The following ANGPT4 variants were observed in gnomAD, a reference collection of about 807,000 sequenced individuals.
ANGPT4 encodes the protein angiopoietin-4.
Under a neutral mutation model 53.0 loss-of-function variants are expected in ANGPT4, and 50 were observed. The observed-to-expected ratio is 0.94, with a 90% CI of 0.75 to 1.20. ANGPT4 has a LOEUF of 1.20. ANGPT4 is among the 50% of genes most tolerant of loss of function. ANGPT4 has a pLI of 0.00. For missense variants in ANGPT4, 648 were observed against 637.1 expected (o/e 1.02, Z -0.18); for synonymous variants, 251 against 259.7 (o/e 0.97, Z 0.32).
intron 4 of ANGPT4, among the ~76,000 whole-genome samples, chr20:882,511 C>T (rs1216460348): frequency 6.7e-6 from 1 of 150,362 alleles, no homozygotes; most frequent in African/African-American, 2.4e-5. Flanking sequence ...AAGGCTATTG[C>T]TCTCATGTCA....
chr20:905,942 G>A (rs551735663), intron 1 of ANGPT4, among the ~76,000 whole-genome samples: 1 of 152,316 alleles, frequency 6.6e-6, no homozygotes, highest in South Asian at 2.1e-4. Context: ...GAGAAGATGA[G>A]CATCTTGCCT....
chr20:900,388 G>A (rs1034064564), intron 1 of ANGPT4, among the ~76,000 whole-genome samples: 1 of 152,096 alleles, frequency 6.6e-6, no homozygotes, highest in Non-Finnish European at 1.5e-5. Context: ...CTAGGAGTCT[G>A]GGTACAAGAA....
In ANGPT4 at chr20:914,700, C is replaced by G. The variant is rs1308333174; in HGVS notation, c.309+1206G>C. Among the ~76,000 whole-genome samples, 1 of 152,098 alleles carries G rather than the reference C, an allele frequency of 6.6e-6. No individual in the cohort carries two copies. The highest frequency in any genetic ancestry group is 2.4e-5 in the African/African-American group (1 of 41,400). On this transcript the variant is annotated intron_variant, in intron 1 of 8. Transcript: ENST00000381922. This position sits in a 1 kb window ranked among gnomAD's most constrained non-coding sequence, Gnocchi z 5.0. The stretch of plus-strand genomic sequence containing the variant: ...ATCGCCCAGACTGTCTCCTGGGTCC[C>G]TCTCCCTTTCCTTGGTAGCTCTCAC...
intron 1 of ANGPT4, among the ~76,000 whole-genome samples, chr20:915,224 GC>G (rs143189522): frequency 0.032 from 4,704 of 145,538 alleles, 101 homozygotes; most frequent in African/African-American, 0.065. Context: ...CCTTCCAGTG[GC>G]CCCCCCCCCA....
intron 4 of ANGPT4, among the ~76,000 whole-genome samples, chr20:882,797 CA>C (rs1365445315): frequency 6.6e-6 from 1 of 152,168 alleles, no homozygotes; most frequent in African/African-American, 2.4e-5. Flanking sequence ...ACAACAATAT[CA>C]ATAACAATAA....
Position 916,258 on chromosome 20 carries a change from G to T in ANGPT4, c.-44C>A, listed in dbSNP as rs1468177202. ...CGAGGGATGTCTGCTCAGAGCCCTA[G>T]GGGCTGTGCCTGGGATGTCCTGCTG... is the stretch of plus-strand genomic sequence containing the variant. On this transcript the variant is annotated 5_prime_UTR_variant, in exon 1 of 9. Coordinates refer to ENST00000381922, the MANE Select transcript of ANGPT4 (RefSeq NM_015985.4). 6.4e-7 allele frequency: 1 copy of T among 1,572,582 alleles called. No individual in the cohort carries two copies. The highest frequency in any genetic ancestry group is 8.7e-7 in the Non-Finnish European group (1 of 1,154,816).
At chr20:906,061 T>A (rs1303872767) in intron 1 of ANGPT4, among the ~76,000 whole-genome samples, 1 of 152,204 alleles carries the variant, frequency 6.6e-6, no homozygotes, top group East Asian at 1.9e-4. Flanking sequence ...ACCCCAGGGA[T>A]CCTGGTGCTC....
At chr20:876,089 T>A (rs1981154864) in intron 7 of ANGPT4, among the ~76,000 whole-genome samples, 1 of 145,116 alleles carries the variant, frequency 6.9e-6, no homozygotes, top group Admixed American at 7.1e-5. Context: ...AGGGCTGCAG[T>A]GAGCTGTGAT....
At chr20:880,509 G>T (rs1386821827) in intron 5 of ANGPT4, among the ~76,000 whole-genome samples, 2 of 151,920 alleles carry the variant, frequency 1.3e-5, no homozygotes, top group Admixed American at 6.6e-5. Flanking sequence ...GATCACTCGA[G>T]CCCAGGAGGT....
chr20:876,348 G>A (rs2122758999), intron 7 of ANGPT4, among the ~76,000 whole-genome samples: 1 of 152,196 alleles, frequency 6.6e-6, no homozygotes, highest in African/African-American at 2.4e-5. Context: ...TCTGTCGCCA[G>A]GGAAATGAGA....
rs1014897 is a variant in ANGPT4 at position 914,814 on chromosome 20, C to T, written c.309+1092G>A. On this transcript the variant is annotated intron_variant, in intron 1 of 8. Coordinates refer to ENST00000381922, the MANE Select transcript of ANGPT4 (RefSeq NM_015985.4). This position sits in a 1 kb window ranked among gnomAD's most constrained non-coding sequence, Gnocchi z 5.0. ...CCAGGGCCAAGCCTGCTTTGCACAC[C>T]TCTGTAGTCAGTGCTTCTCCGAGGG... Among the ~76,000 whole-genome samples the T allele has an allele frequency of 0.4, 61,152 of 152,018 alleles. 13,639 individuals carry two copies. The highest frequency in any genetic ancestry group is 0.49 in the Non-Finnish European group (33,562 of 67,942).
chr20:879,890 T>C, intron 5 of ANGPT4, 42 bp from the exon 6 acceptor site: 1 of 1,525,460 alleles, frequency 6.6e-7, no homozygotes, highest in Non-Finnish European at 9.0e-7. Context: ...CCCTTGGAGG[T>C]AGCCAGAGGC....
chr20:906,893 G>A (rs1982496368), intron 1 of ANGPT4, among the ~76,000 whole-genome samples: 1 of 152,256 alleles, frequency 6.6e-6, no homozygotes, highest in Non-Finnish European at 1.5e-5. Flanking sequence ...GGACCAACGG[G>A]CTCTCACGGA....
Position 885,134 on chromosome 20 carries a change from T to G in ANGPT4, c.779A>C (p.Gln260Pro), listed in dbSNP as rs753308902. The change falls in exon 4 of 9, where the codon CAG becomes CCG. Residue 260 changes from glutamine (Q) to proline (P), a missense_variant. By Grantham distance (76) the Gln-to-Pro change is moderately conservative. Coordinates refer to ENST00000381922, the MANE Select transcript of ANGPT4 (RefSeq NM_015985.4). ...CAGGTGCCGCAACAACACCAGCAGC[T>G]GGCGCAGGCTGTGCTGCTGGTCCTG... The part of the protein sequence containing the change: ...LLQDQQHSLR[Q>P]LLVLLRHLVQ... 6.2e-7 allele frequency: 1 copy of G among 1,612,770 alleles called. No individual in the cohort carries two copies. Among genetic ancestry groups the G allele is most frequent in the South Asian group, 1.1e-5 (1 of 90,782 alleles).
At chr20:915,388 C>G (rs1982889059) in intron 1 of ANGPT4, among the ~76,000 whole-genome samples, 1 of 152,162 alleles carries the variant, frequency 6.6e-6, no homozygotes, top group Non-Finnish European at 1.5e-5. Context: ...ACATGCAGCT[C>G]CCTTTGCAGA....
At chr20:880,901 C>A (rs1981378466) in intron 5 of ANGPT4, among the ~76,000 whole-genome samples, 1 of 152,242 alleles carries the variant, frequency 6.6e-6, no homozygotes, top group Non-Finnish European at 1.5e-5. Context: ...TATCAGCTAT[C>A]ATCATCTTAA....
intron 1 of ANGPT4, among the ~76,000 whole-genome samples, chr20:898,594 T>C (rs1982148016): frequency 6.6e-6 from 1 of 152,160 alleles, no homozygotes; most frequent in Admixed American, 6.5e-5. Context: ...GCTCCAAAAA[T>C]GAGATTCCGG....
In ANGPT4 at chr20:890,322, A is replaced by G. The variant is rs767678821; in HGVS notation, c.356T>C (p.Val119Ala). 1.2e-6 allele frequency: 2 copies of G among 1,613,052 alleles called. No homozygotes were observed. The highest frequency in any genetic ancestry group is 2.7e-5 in the African/African-American group (2 of 74,918). ...CTGATTCTGGGCCATTTGCTGCTGG[A>G]CCTGCTCCAGCTTCGACCTCAAGAT... ...KTILRSKLEQVQQQMAQNQTA... is the reference protein window; with the variant it reads ...KTILRSKLEQAQQQMAQNQTA... Residue 119 changes from valine (V) to alanine (A), a missense_variant, in exon 2 of 9, where the codon GTC becomes GCC. Val to Ala is a moderately conservative substitution (Grantham distance 64, BLOSUM62 0). Coordinates refer to ENST00000381922, the MANE Select transcript of ANGPT4 (RefSeq NM_015985.4).
At chr20:875,462 G>A (rs1981128256) in intron 7 of ANGPT4, among the ~76,000 whole-genome samples, 1 of 152,202 alleles carries the variant, frequency 6.6e-6, no homozygotes, top group Non-Finnish European at 1.5e-5. Flanking sequence ...GCATGTCCAA[G>A]CCTGCCTGGT....
Sources: gnomAD v4.1 joint callset for allele counts (sites outside exome capture counted in the v4.1 genomes callset) on GRCh38, gnomAD v4.1.1 for gene constraint, Gnocchi (gnomAD v3.1) non-coding constraint, MANE v1.5 for transcripts, NCBI Gene and HGNC (gene_info 2026-07-23, HGNC 2026-07-21) for gene names.